The following AGTRAP variants were observed in gnomAD, a reference collection of about 807,000 sequenced individuals.
The protein encoded by AGTRAP is type-1 angiotensin II receptor-associated protein.
In AGTRAP, 7 loss-of-function variants were observed where a neutral mutation model predicts 15.2. The observed-to-expected ratio is 0.46, with a 90% CI of 0.26 to 0.87. The LOEUF (loss-of-function observed/expected upper bound fraction) is 0.87, where lower values mean the gene tolerates loss of function less well. Ranked by LOEUF, AGTRAP falls within the 40% of genes least tolerant of loss-of-function variation. The pLI is 0.15. For synonymous variants in AGTRAP, 74 were observed against 89.6 expected, an observed-to-expected ratio of 0.83 and a Z score of 0.98; for missense variants, 187 against 213.4, an observed-to-expected ratio of 0.88 and a Z score of 0.77.
chr1:11,738,398 T>C (rs945309969), intron 1 of AGTRAP, among the ~76,000 whole-genome samples: 48 of 152,122 alleles, frequency 3.2e-4, no homozygotes, highest in African/African-American at 1.2e-3. Context: ...AAGAATGACA[T>C]TGTGATGAGC....
intron 3 of AGTRAP, among the ~76,000 whole-genome samples, 168 bp downstream of exon 3, chr1:11,747,713 T>C (rs1642200469): frequency 6.6e-6 from 1 of 152,250 alleles, no homozygotes; most frequent in Non-Finnish European, 1.5e-5. Context: ...GGCCCATGCC[T>C]GTGTTCAGGA....
At position 11,748,707 on chromosome 1, in the gene AGTRAP, G is replaced by A. The variant is rs1570348648; in HGVS notation, c.364+97G>A. On this transcript the variant is annotated intron_variant, in intron 4 of 4. Coordinates refer to ENST00000314340, the MANE Select transcript of AGTRAP (RefSeq NM_020350.5). The stretch of plus-strand genomic sequence containing the variant: ...CAGTGAGCCAGCCTTGCCCCATGGG[G>A]CCAGGGCTCAAGGTGCAGGGAGAGC... 2.1e-6 allele frequency: 3 copies of A among 1,413,316 alleles called. No individual in the cohort carries two copies. The African/African-American group carries it at 4.2e-5, about 20-fold the overall frequency. 87.5% of individuals were successfully genotyped at this position (1,413,316 alleles called of 1,614,324 possible).
chr1:11,742,346 G>A (rs562003323), intron 1 of AGTRAP, among the ~76,000 whole-genome samples: 1 of 152,336 alleles, frequency 6.6e-6, no homozygotes, highest in South Asian at 2.1e-4. Context: ...GTGTGGTCAA[G>A]AGTAACTCTT....
intron 4 of AGTRAP, 152 bp downstream of exon 4, chr1:11,748,762 C>G: frequency 2.2e-6 from 2 of 914,534 alleles, no homozygotes; most frequent in Non-Finnish European, 3.2e-6. Context: ...CTAGGCTGGA[C>G]AGGTCCAAGC....
In AGTRAP at chr1:11,747,440, G is replaced by A. The variant is rs1570346569; in HGVS notation, c.63G>A (p.Trp21Ter). 4 of 1,613,978 alleles carry A rather than the reference G, an allele frequency of 2.5e-6. No individual in the cohort carries two copies. The highest frequency in any genetic ancestry group is 2.2e-5 in the East Asian group (1 of 44,882). Residue 21 changes from tryptophan (W) to a stop codon, truncating the protein, a stop_gained and splice_region_variant, in exon 3 of 5, where the codon TGG becomes TGA. Transcript: ENST00000314340. LOFTEE classifies it high-confidence loss of function. ...ILLGHWLLTT[W>*]GCIVFSGSYA... ...GGGACTGAGCTACCTCTTCCTACAGGGGCTGCATTGTATTCTCAGGCTCCT... is the reference window on the plus strand; with the variant it reads ...GGGACTGAGCTACCTCTTCCTACAGAGGCTGCATTGTATTCTCAGGCTCCT...
intron 1 of AGTRAP, among the ~76,000 whole-genome samples, chr1:11,739,466 C>A (rs1455577241): frequency 6.6e-6 from 1 of 152,128 alleles, no homozygotes; most frequent in Admixed American, 6.5e-5. Context: ...CACCGAGGAT[C>A]ACTTGAACAC....
At chr1:11,748,995 A>T (rs1386821344) in intron 4 of AGTRAP, among the ~76,000 whole-genome samples, 1 of 151,994 alleles carries the variant, frequency 6.6e-6, no homozygotes, top group Non-Finnish European at 1.5e-5. Flanking sequence ...CATCACTGGA[A>T]CCCCATTTCC....
intron 1 of AGTRAP, among the ~76,000 whole-genome samples, chr1:11,737,128 A>T (rs1641919455): frequency 6.6e-6 from 1 of 152,232 alleles, no homozygotes; most frequent in Non-Finnish European, 1.5e-5. Flanking sequence ...TGAGAAATAG[A>T]TGGTTACAAA....
rs1023323481 is a variant in AGTRAP at position 11,736,167 on chromosome 1, C to T, written c.-42C>T. 25 of 1,584,828 alleles carry T rather than the reference C, an allele frequency of 1.6e-5. No homozygotes were observed. The highest frequency in any genetic ancestry group is 4.0e-5 in the African/African-American group (3 of 74,716). On this transcript the variant is annotated 5_prime_UTR_variant, in exon 1 of 5. Transcript: ENST00000314340. ...GTTCCCCGAGTTCGGAGCCTAGGAGCCCCCCGCGGCTGCGGCGCAGGTGCC... is the reference window on the plus strand; with the variant it reads ...GTTCCCCGAGTTCGGAGCCTAGGAGTCCCCCGCGGCTGCGGCGCAGGTGCC...
intron 1 of AGTRAP, among the ~76,000 whole-genome samples, chr1:11,737,914 C>G (rs1486148463): frequency 6.6e-6 from 1 of 151,926 alleles, no homozygotes; most frequent in Non-Finnish European, 1.5e-5. Flanking sequence ...GCTGGAAGGC[C>G]CTGAGGGGTC....
At chr1:11,748,356 C>T (rs373329114) in intron 3 of AGTRAP, 59 bp from the exon 4 acceptor site, 160 of 1,548,338 alleles carry the variant, frequency 1.0e-4, no homozygotes, top group Middle Eastern at 8.5e-4. Flanking sequence ...CGGTGTGTGG[C>T]GGGGGAGCCA....
At chr1:11,746,269 G>A in intron 2 of AGTRAP, 3 of 1,485,288 alleles carry the variant, frequency 2.0e-6, no homozygotes, top group Middle Eastern at 1.7e-4. Context: ...ACCTTGAGAA[G>A]CAGGGCCAAA....
At chr1:11,750,037 C>A in intron 4 of AGTRAP, 40 bp from the exon 5 acceptor site, 1 of 1,536,502 alleles carries the variant, frequency 6.5e-7, no homozygotes. Context: ...CGAGTTCTCA[C>A]CCTTCATTTT....
At chr1:11,749,542 G>A (rs1285685557) in intron 4 of AGTRAP, among the ~76,000 whole-genome samples, 8 of 152,256 alleles carry the variant, frequency 5.3e-5, no homozygotes, top group Non-Finnish European at 1.0e-4. Context: ...GGATGGGAGT[G>A]AGGCATGTGG....
At chr1:11,747,329 C>A in intron 2 of AGTRAP, 111 bp from the exon 3 acceptor site, 1 of 965,974 alleles carries the variant, frequency 1.0e-6, no homozygotes, top group Non-Finnish European at 1.6e-6. Context: ...AGCCGGGTGG[C>A]CTCGAAGACT....
intron 1 of AGTRAP, among the ~76,000 whole-genome samples, chr1:11,741,914 C>T (rs1341704299): frequency 6.6e-6 from 1 of 152,180 alleles, no homozygotes; most frequent in Non-Finnish European, 1.5e-5. Context: ...TTGGGTGCAT[C>T]GGTCCTTACA....
chr1:11,748,246 A>G (rs1417630427), intron 3 of AGTRAP, among the ~76,000 whole-genome samples, 169 bp from the exon 4 acceptor site: 2 of 152,178 alleles, frequency 1.3e-5, no homozygotes, highest in African/African-American at 4.8e-5. Context: ...CCCAGACTGC[A>G]GTCTCAGCCA....
intron 1 of AGTRAP, among the ~76,000 whole-genome samples, chr1:11,738,477 C>G (rs1462175841): frequency 6.6e-6 from 1 of 152,124 alleles, no homozygotes. Context: ...ATCTGGTGGT[C>G]TAGGAGGTAG....
At position 11,736,251 on chromosome 1, in the gene AGTRAP, G is replaced by A; in HGVS notation, c.27+16G>A. Reference sequence around the variant, plus strand: ...GAACCTGAAGGTGGCGACGGGCTGGGGGGAGGGTCCCCTTTGCGGGAGGAA... The same window carrying A: ...GAACCTGAAGGTGGCGACGGGCTGGAGGGAGGGTCCCCTTTGCGGGAGGAA... On this transcript the variant is annotated intron_variant, in intron 1 of 4. Coordinates refer to ENST00000314340, the MANE Select transcript of AGTRAP (RefSeq NM_020350.5). The A allele has an allele frequency of 6.2e-7, 1 of 1,606,132 alleles. No homozygotes were observed. The highest frequency in any genetic ancestry group is 8.5e-7 in the Non-Finnish European group (1 of 1,177,010).
Sources: allele counts gnomAD v4.1 joint callset (sites outside exome capture counted in the v4.1 genomes callset), GRCh38; gene constraint gnomAD v4.1.1; transcripts MANE v1.5; gene names NCBI Gene and HGNC (gene_info 2026-07-23, HGNC 2026-07-21).